Variants in SETBP1 observed in about 807,000 individuals in gnomAD.
SETBP1 encodes SET-binding protein.
In SETBP1, 9 loss-of-function variants were observed where a neutral mutation model predicts 101.0. The ratio of observed to expected loss-of-function variants is 0.09; its 90% confidence interval spans 0.05 to 0.16. SETBP1 has a LOEUF of 0.16. SETBP1 is among the 10% of genes least tolerant of loss of function. The probability of loss-of-function intolerance (pLI) is 1.00; values close to 1 mark genes in which losing one functional copy is unlikely to be tolerated. For missense variants in SETBP1, 1,858 were observed against 2,033.8 expected, an observed-to-expected ratio of 0.91 and a Z score of 1.66; for synonymous variants, 818 against 788.5, an observed-to-expected ratio of 1.04 and a Z score of -0.63.
At position 44,917,414 on chromosome 18, in the gene SETBP1, T is replaced by C. The variant is rs576045043; in HGVS notation, c.541-32467T>C. 3.3e-5 allele frequency among the ~76,000 whole-genome samples: 5 copies of C among 152,262 alleles called. No homozygotes were observed. The South Asian group carries it at 1.0e-3, about 32-fold the overall frequency. On this transcript the variant is annotated intron_variant, in intron 3 of 5. Coordinates refer to ENST00000649279, the MANE Select transcript of SETBP1 (RefSeq NM_015559.3). ...CTCTGATCCCAGAGTTACTCAGCTT[T>C]TACTTTCTTTATTTGTTTATGCTCC...
chr18:44,846,017 C>G (rs759898058), intron 2 of SETBP1, among the ~76,000 whole-genome samples: 2 of 152,206 alleles, frequency 1.3e-5, no homozygotes, highest in South Asian at 2.1e-4. Flanking sequence ...GCAGAAGCCT[C>G]TGAACCTCAG....
chr18:45,041,000 C>G (rs568061441), intron 5 of SETBP1, among the ~76,000 whole-genome samples: 118 of 152,320 alleles, frequency 7.7e-4, no homozygotes, highest in African/African-American at 2.7e-3. Flanking sequence ...TCCCACAAAC[C>G]TGGGAGAGCT....
chr18:45,033,224 C>T (rs796070968), intron 4 of SETBP1, among the ~76,000 whole-genome samples: 6 of 152,252 alleles, frequency 3.9e-5, no homozygotes, highest in African/African-American at 1.4e-4. Context: ...AAAAATATGT[C>T]ATTTACTGGT....
intron 1 of SETBP1, among the ~76,000 whole-genome samples, chr18:44,682,676 G>A (rs1214991494): frequency 6.6e-6 from 1 of 152,152 alleles, no homozygotes; most frequent in Non-Finnish European, 1.5e-5. Flanking sequence ...CGGAAGAGGA[G>A]GAAGAAATCA....
At chr18:44,742,330 C>A (rs2070117428) in intron 2 of SETBP1, among the ~76,000 whole-genome samples, 1 of 152,218 alleles carries the variant, frequency 6.6e-6, no homozygotes, top group African/African-American at 2.4e-5. Flanking sequence ...TGCTCCTTGG[C>A]TACTGACCAT....
chr18:44,925,496 G>A (rs1415560360), intron 3 of SETBP1, among the ~76,000 whole-genome samples: 2 of 152,116 alleles, frequency 1.3e-5, no homozygotes, highest in African/African-American at 2.4e-5. Flanking sequence ...AGAATGGGGA[G>A]GGCTGTTGTT....
intron 5 of SETBP1, among the ~76,000 whole-genome samples, chr18:45,046,573 C>T (rs981096038): frequency 3.3e-5 from 5 of 152,194 alleles, no homozygotes; most frequent in Admixed American, 2.6e-4. Flanking sequence ...GGAATATGCA[C>T]GCATATGTGT....
chr18:45,064,048 T>A lies in SETBP1; in HGVS notation c.*350T>A, dbSNP rs1289837402. ...CCAAGGTGCGCCCTCGACTCCCGATTTCATTTGCTGGCCAGGAAAATCGAA... is the reference window on the plus strand; with the variant it reads ...CCAAGGTGCGCCCTCGACTCCCGATATCATTTGCTGGCCAGGAAAATCGAA... On this transcript the variant is annotated 3_prime_UTR_variant, in exon 6 of 6. Coordinates refer to ENST00000649279, the MANE Select transcript of SETBP1 (RefSeq NM_015559.3). The A allele has an allele frequency of 9.9e-6, 2 of 202,004 alleles. No homozygotes were observed. Among genetic ancestry groups the A allele is most frequent in the African/African-American group, 4.6e-5 (2 of 43,078 alleles). The allele number at this position is 202,004 out of a possible 1,614,324, so 12.5% of individuals were successfully genotyped here.
chr18:44,739,102 C>T (rs2070043195), intron 2 of SETBP1, among the ~76,000 whole-genome samples: 1 of 152,156 alleles, frequency 6.6e-6, no homozygotes, highest in South Asian at 2.1e-4. Flanking sequence ...TTTCAACCTG[C>T]CATCTCTCTG....
At chr18:44,965,501 G>A (rs1382753327) in intron 4 of SETBP1, among the ~76,000 whole-genome samples, 1 of 152,058 alleles carries the variant, frequency 6.6e-6, no homozygotes, top group Non-Finnish European at 1.5e-5. Flanking sequence ...AAATCATAAA[G>A]CCAATAGTTT....
At chr18:44,929,944 T>C (rs900122744) in intron 3 of SETBP1, among the ~76,000 whole-genome samples, 5 of 152,240 alleles carry the variant, frequency 3.3e-5, no homozygotes, top group Admixed American at 3.3e-4. Flanking sequence ...TCTTGCCTGA[T>C]TGCCCTGGCC....
chr18:44,975,133 T>C (rs1034002001), intron 4 of SETBP1, among the ~76,000 whole-genome samples: 5 of 152,190 alleles, frequency 3.3e-5, no homozygotes, highest in African/African-American at 1.2e-4. Flanking sequence ...AGAGGCCCTC[T>C]TCCGTTTTAA....
chr18:45,057,662 G>C lies in SETBP1; in HGVS notation c.4172-5417G>C, dbSNP rs2073831437. On this transcript the variant is annotated intron_variant, in intron 5 of 5. Coordinates refer to ENST00000649279, the MANE Select transcript of SETBP1 (RefSeq NM_015559.3). ...CTGAAATGCACCCCAACTCCAGGCA[G>C]TTCAGCCTTCCTCAACATCTTTCCA... is the stretch of plus-strand genomic sequence containing the variant. Among the ~76,000 whole-genome samples, 4 of 152,200 alleles carry C rather than the reference G, an allele frequency of 2.6e-5. 1 individual carries two copies. The highest frequency in any genetic ancestry group is 9.6e-5 in the African/African-American group (4 of 41,460).
chr18:44,806,353 A>T (rs947477722), intron 2 of SETBP1, among the ~76,000 whole-genome samples: 2 of 152,152 alleles, frequency 1.3e-5, no homozygotes, highest in Non-Finnish European at 2.9e-5. Flanking sequence ...GTCCCCTGCT[A>T]ATGCATCATG....
intron 2 of SETBP1, among the ~76,000 whole-genome samples, chr18:44,751,401 C>G (rs1396071090): frequency 2.0e-5 from 3 of 152,178 alleles, no homozygotes; most frequent in Non-Finnish European, 4.4e-5. Flanking sequence ...GAGAGGTTAT[C>G]AGATCAGCAA....
intron 4 of SETBP1, among the ~76,000 whole-genome samples, chr18:44,962,403 G>A (rs2071630976): frequency 6.6e-6 from 1 of 152,114 alleles, no homozygotes; most frequent in Admixed American, 6.6e-5. Context: ...GCCTCCCAGA[G>A]GAAGGGAAGA....
chr18:44,831,912 T>C (rs767051804), intron 2 of SETBP1, among the ~76,000 whole-genome samples: 31 of 152,220 alleles, frequency 2.0e-4, no homozygotes, highest in Non-Finnish European at 4.4e-4. Flanking sequence ...TGGGACTGAG[T>C]TGTGTTTATC....
At chr18:44,859,887 A>G (rs1404837223) in intron 2 of SETBP1, among the ~76,000 whole-genome samples, 1 of 152,208 alleles carries the variant, frequency 6.6e-6, no homozygotes, top group Non-Finnish European at 1.5e-5. Flanking sequence ...TCGGATGCCC[A>G]CCTGTAATCA....
chr18:44,757,483 A>G (rs922927778), intron 2 of SETBP1, among the ~76,000 whole-genome samples: 1 of 152,160 alleles, frequency 6.6e-6, no homozygotes, highest in Non-Finnish European at 1.5e-5. Flanking sequence ...GCATACACTT[A>G]TATATGCCTG....
Sources: gnomAD v4.1 joint callset for allele counts (sites outside exome capture counted in the v4.1 genomes callset) on GRCh38, gnomAD v4.1.1 for gene constraint, MANE v1.5 for transcripts, NCBI Gene and HGNC (gene_info 2026-07-23, HGNC 2026-07-21) for gene names.